The following CDH18 variants were observed in gnomAD, a reference collection of about 807,000 sequenced individuals.
CDH18 encodes cadherin-18.
A neutral mutation model predicts 67.9 loss-of-function variants in CDH18; 31 were observed. That is an observed-to-expected ratio of 0.46 (90% CI 0.34 to 0.62). The LOEUF is 0.62. Ranked by LOEUF, CDH18 falls within the 20% of genes least tolerant of loss-of-function variation. CDH18 has a pLI of 0.01. For missense variants in CDH18, 890 were observed against 975.5 expected (o/e 0.91, Z 1.17); for synonymous variants, 362 against 347.2 (o/e 1.04, Z -0.48).
chr5:19,778,074 G>A (rs975411568), intron 3 of CDH18, among the ~76,000 whole-genome samples: 18 of 151,984 alleles, frequency 1.2e-4, no homozygotes, highest in African/African-American at 3.6e-4. Flanking sequence ...TATTTATTAC[G>A]AAATCAATTT....
At chr5:20,328,534 T>C (rs1292733245) in intron 1 of CDH18, among the ~76,000 whole-genome samples, 1 of 151,472 alleles carries the variant, frequency 6.6e-6, no homozygotes, top group African/African-American at 2.4e-5. Flanking sequence ...AGAGAGATTA[T>C]ATGTGTTGGG....
Position 20,421,039 on chromosome 5 carries a change from T to G in CDH18, c.-580+154423A>C, listed in dbSNP as rs530240146. 5.3e-5 allele frequency among the ~76,000 whole-genome samples: 8 copies of G among 151,396 alleles called. No individual in the cohort carries two copies. In the South Asian group the frequency reaches 1.4e-3, roughly 27 times the overall value. ...CTTTTAAGGTGAGCTTGCCAGCAAG[T>G]AACAGTATGATCTTTAAATCCTTTT... On this transcript the variant is annotated intron_variant, in intron 1 of 14. Transcript: ENST00000507958.
At position 19,838,980 on chromosome 5, in the gene CDH18, T is replaced by C; in HGVS notation, c.7A>G (p.Ile3Val). 1 of 1,610,530 alleles carries C rather than the reference T, an allele frequency of 6.2e-7. No individual in the cohort carries two copies. The change falls in exon 3 of 13, where the codon ATT (isoleucine) becomes GTT (valine). Residue 3 changes from isoleucine to valine, a missense_variant. This residue lies in a region of CDH18 where 234 missense variants were observed against 307.4 expected (regional missense o/e 0.76). Coordinates refer to ENST00000382275, the MANE Select transcript of CDH18 (RefSeq NM_004934.5). MKITSTSCICPVL... is the reference protein window; with the variant it reads MKVTSTSCICPVL... ...GGACAGATGCAAGATGTGCTAGTAA[T>C]TTTCATTGTAAGATAACTTTCCAGT...
intron 10 of CDH18, among the ~76,000 whole-genome samples, chr5:19,503,733 G>C (rs531679803): frequency 1.3e-5 from 2 of 152,168 alleles, no homozygotes; most frequent in African/African-American, 4.8e-5. Flanking sequence ...CAATTCTTTA[G>C]AATCTGGACT....
intron 2 of CDH18, among the ~76,000 whole-genome samples, chr5:19,938,972 T>A (rs1794559831): frequency 6.6e-6 from 1 of 151,210 alleles, no homozygotes; most frequent in South Asian, 2.1e-4. Context: ...GGACCATTTT[T>A]TTGTTTAATC....
chr5:19,689,387 G>T (rs1761542549), intron 5 of CDH18, among the ~76,000 whole-genome samples: 1 of 151,496 alleles, frequency 6.6e-6, no homozygotes, highest in Non-Finnish European at 1.5e-5. Flanking sequence ...AGGGCTAAAA[G>T]AAAATTAAAA....
intron 4 of CDH18, 22 bp from the exon 5 acceptor site, chr5:19,721,488 T>C (rs578010106): frequency 1.3e-6 from 2 of 1,598,320 alleles, no homozygotes; most frequent in East Asian, 2.2e-5. Context: ...GGAAAACAAA[T>C]TTTAGTGTGT....
chr5:20,062,135 C>T (rs1199306098), intron 2 of CDH18, among the ~76,000 whole-genome samples: 3 of 50,124 alleles, frequency 6.0e-5, no homozygotes, highest in Non-Finnish European at 1.5e-4. Context: ...AATCTTTAAG[C>T]CCAGAATTAT....
At chr5:20,451,122 T>C (rs1261308632) in intron 1 of CDH18, among the ~76,000 whole-genome samples, 2 of 152,176 alleles carry the variant, frequency 1.3e-5, no homozygotes. Flanking sequence ...ACATCGTTCA[T>C]TATTCTTTAT....
At chr5:19,988,384 C>T (rs1579965232), upstream of CDH18, among the ~76,000 whole-genome samples, 1 of 151,926 alleles carries the variant, frequency 6.6e-6, no homozygotes, top group Non-Finnish European at 1.5e-5. Flanking sequence ...TCCCCCCCAA[C>T]CCCCCACCGT....
intron 2 of CDH18, among the ~76,000 whole-genome samples, chr5:19,888,938 G>T (rs561486535): frequency 6.6e-6 from 1 of 152,100 alleles, no homozygotes; most frequent in Non-Finnish European, 1.5e-5. Context: ...TATCTGTGAG[G>T]GATTCATTCC....
chr5:19,537,993 CGGAAAGATAAAAGGTAAAAAGT>C (rs1262768960), intron 9 of CDH18, among the ~76,000 whole-genome samples: 1 of 151,926 alleles, frequency 6.6e-6, no homozygotes, highest in Non-Finnish European at 1.5e-5. Flanking sequence ...AAAGAAATGA[CGGAAAGATAAAAGGTAAAAAGT>C]ATTGATAGGT....
At chr5:20,107,353 C>T (rs1002547434) in intron 2 of CDH18, among the ~76,000 whole-genome samples, 2 of 152,234 alleles carry the variant, frequency 1.3e-5, no homozygotes, top group African/African-American at 4.8e-5. Context: ...TGATTACAGG[C>T]GTGAGCCACT....
At chr5:20,327,760 G>A (rs2150018940) in intron 1 of CDH18, among the ~76,000 whole-genome samples, 1 of 152,206 alleles carries the variant, frequency 6.6e-6, no homozygotes, top group Admixed American at 6.5e-5. Flanking sequence ...TCTTAGAAAT[G>A]TCCTCATTGG....
chr5:20,187,677 T>C (rs1738209384), intron 2 of CDH18, among the ~76,000 whole-genome samples: 1 of 151,902 alleles, frequency 6.6e-6, no homozygotes, highest in African/African-American at 2.4e-5. Flanking sequence ...TAATTTGTTA[T>C]AATAAATCTT....
chr5:20,261,266 C>G (rs1490986584), intron 1 of CDH18, among the ~76,000 whole-genome samples: 1 of 151,952 alleles, frequency 6.6e-6, no homozygotes, highest in African/African-American at 2.4e-5. Context: ...TTGTACTTAA[C>G]AAAAACCTGG....
At chr5:20,265,928 G>T (rs568792135) in intron 1 of CDH18, among the ~76,000 whole-genome samples, 1 of 152,298 alleles carries the variant, frequency 6.6e-6, no homozygotes, top group South Asian at 2.1e-4. Flanking sequence ...AAATGTGGGT[G>T]GACATCACCA....
intron 3 of CDH18, among the ~76,000 whole-genome samples, chr5:19,755,615 C>T (rs1771507583): frequency 6.9e-6 from 1 of 145,120 alleles, no homozygotes; most frequent in Non-Finnish European, 1.5e-5. Context: ...AAGACATATA[C>T]ATATATCTCC....
chr5:20,014,026 C>T (rs980681949), intron 2 of CDH18, among the ~76,000 whole-genome samples: 49 of 151,990 alleles, frequency 3.2e-4, no homozygotes, highest in African/African-American at 1.1e-3. Flanking sequence ...TGTGGTTATA[C>T]AAAAATACCA....
Sources: gnomAD v4.1 joint callset for allele counts (sites outside exome capture counted in the v4.1 genomes callset) on GRCh38, gnomAD v4.1.1 for gene constraint, gnomAD v4.1.1 regional missense constraint, MANE v1.5 for transcripts, NCBI Gene and HGNC (gene_info 2026-07-23, HGNC 2026-07-21) for gene names.